Variants in GABRB3 observed in about 807,000 individuals in gnomAD.
GABRB3 encodes the protein gamma-aminobutyric acid type A receptor subunit beta3.
A neutral mutation model predicts 52.1 loss-of-function variants in GABRB3; 14 were observed. That is an observed-to-expected ratio of 0.27 (90% CI 0.18 to 0.42). The LOEUF (loss-of-function observed/expected upper bound fraction) is 0.42, where lower values mean the gene tolerates loss of function less well. Among genes scored for constraint, GABRB3 ranks in the 10% least tolerant of loss-of-function variants. The pLI, the probability that GABRB3 is intolerant of heterozygous loss-of-function variation, is 1.00. For synonymous variants in GABRB3, 260 were observed against 232.3 expected, an observed-to-expected ratio of 1.12 and a Z score of -1.08; for missense variants, 307 against 609.1, an observed-to-expected ratio of 0.50 and a Z score of 5.22.
chr15:26,691,566 G>C (rs1257548847), intron 3 of GABRB3, among the ~76,000 whole-genome samples: 1 of 152,278 alleles, frequency 6.6e-6, no homozygotes, highest in South Asian at 2.1e-4. Flanking sequence ...GAATTTGCAA[G>C]CAGGTTCTTC....
At chr15:26,631,360 C>T (rs1287902229) in intron 3 of GABRB3, among the ~76,000 whole-genome samples, 1 of 152,212 alleles carries the variant, frequency 6.6e-6, no homozygotes, top group East Asian at 1.9e-4. Flanking sequence ...CAAGAATACA[C>T]ATTTGAAAGC....
chr15:26,609,066 A>G (rs918970622), intron 4 of GABRB3, among the ~76,000 whole-genome samples: 1 of 150,730 alleles, frequency 6.6e-6, no homozygotes, highest in Non-Finnish European at 1.5e-5. Context: ...CAACAGATAA[A>G]TTGATTTTTT....
Position 26,621,571 on chromosome 15 carries a change from C to A in GABRB3, c.241-37G>T. The A allele has an allele frequency of 6.5e-7, 1 of 1,539,940 alleles. No individual in the cohort carries two copies. Among genetic ancestry groups the A allele is most frequent in the Non-Finnish European group, 9.0e-7 (1 of 1,116,674 alleles). On this transcript the variant is annotated intron_variant, in intron 3 of 8. Transcript: ENST00000311550. The surrounding 1 kb of genome is among the most constrained non-coding windows in gnomAD (Gnocchi z 4.1). ...AGAAAAGAAAGAAAGTTAGTTTGTA[C>A]CCAGCCACAGGTGTATTTCCTCCAC...
rs956447926 is a variant in GABRB3 at position 26,635,356 on chromosome 15, C to G, written c.241-13822G>C. Among the ~76,000 whole-genome samples, 3 of 152,188 alleles carry G rather than the reference C, an allele frequency of 2.0e-5. No individual in the cohort carries two copies. The South Asian group carries it at 6.2e-4, about 32-fold the overall frequency. On this transcript the variant is annotated intron_variant, in intron 3 of 8. Coordinates refer to ENST00000311550, the MANE Select transcript of GABRB3 (RefSeq NM_000814.6). ...CCTCTGTGCTCTTCCCCTGCTTAAACATAGCTCCTGCAGATGACCATAAGG... is the reference window on the plus strand; with the variant it reads ...CCTCTGTGCTCTTCCCCTGCTTAAAGATAGCTCCTGCAGATGACCATAAGG...
intron 3 of GABRB3, among the ~76,000 whole-genome samples, chr15:26,739,783 T>C (rs747518736): frequency 6.6e-6 from 1 of 152,210 alleles, no homozygotes; most frequent in East Asian, 1.9e-4. Flanking sequence ...AATTGGAATA[T>C]CCATCACTTT....
intron 3 of GABRB3, among the ~76,000 whole-genome samples, chr15:26,762,193 C>G (rs957710488): frequency 6.6e-6 from 1 of 152,082 alleles, no homozygotes; most frequent in African/African-American, 2.4e-5. Flanking sequence ...ACATACAAAC[C>G]TCCCCTCAAT....
At chr15:26,619,787 CT>C (rs1054605889) in intron 4 of GABRB3, among the ~76,000 whole-genome samples, 19 of 143,904 alleles carry the variant, frequency 1.3e-4, no homozygotes, top group African/African-American at 5.1e-4. Flanking sequence ...TTGATATTTG[CT>C]TTTTTGCTCT....
At chr15:26,634,136 C>A (rs1028339926) in intron 3 of GABRB3, among the ~76,000 whole-genome samples, 2 of 152,066 alleles carry the variant, frequency 1.3e-5, no homozygotes, top group African/African-American at 4.8e-5. Context: ...GAGAGGGGCA[C>A]CCCCCTTTCC....
chr15:26,591,249 C>A (rs954741302), intron 4 of GABRB3, among the ~76,000 whole-genome samples: 4 of 152,146 alleles, frequency 2.6e-5, no homozygotes, highest in African/African-American at 9.7e-5. Context: ...CAATAGATAA[C>A]CGATACGATA....
At chr15:26,577,617 T>C (rs907366996) in intron 6 of GABRB3, among the ~76,000 whole-genome samples, 11 of 151,832 alleles carry the variant, frequency 7.2e-5, no homozygotes, top group African/African-American at 2.7e-4. Context: ...AACAGAAAAA[T>C]CACAAAGTCA....
intron 6 of GABRB3, among the ~76,000 whole-genome samples, chr15:26,570,471 T>A (rs1321824179): frequency 6.6e-6 from 1 of 152,224 alleles, no homozygotes. Context: ...ATGGAAATGA[T>A]GCTCACTGTC....
intron 7 of GABRB3, among the ~76,000 whole-genome samples, chr15:26,562,189 CG>C (rs1353519230): frequency 6.6e-6 from 1 of 152,168 alleles, no homozygotes; most frequent in Non-Finnish European, 1.5e-5. Context: ...AGGAAAGGCA[CG>C]GATCACTCCC....
chr15:26,753,746 T>C (rs1890580088), intron 3 of GABRB3, among the ~76,000 whole-genome samples: 1 of 152,184 alleles, frequency 6.6e-6, no homozygotes, highest in South Asian at 2.1e-4. Context: ...AGACAGTGAA[T>C]GTGGGTACAG....
At position 26,772,666 on chromosome 15, in the gene GABRB3, G is replaced by C; in HGVS notation, c.172+15C>G. 6.4e-7 allele frequency: 1 copy of C among 1,558,446 alleles called. No homozygotes were observed. The highest frequency in any genetic ancestry group is 8.7e-7 in the Non-Finnish European group (1 of 1,152,618). ...GGGTCGCGCTTCCCGCAACGGCCGC[G>C]CGCAGCCCACTTACCCCCGAAGTCG... On this transcript the variant is annotated intron_variant, in intron 2 of 8. Coordinates refer to ENST00000311550, the MANE Select transcript of GABRB3 (RefSeq NM_000814.6).
intron 3 of GABRB3, among the ~76,000 whole-genome samples, chr15:26,635,576 T>G (rs1893036716): frequency 6.6e-6 from 1 of 152,192 alleles, no homozygotes; most frequent in South Asian, 2.1e-4. Flanking sequence ...GAATAATTTC[T>G]GATATTTGGC....
At chr15:26,642,763 CATTT>C (rs1296681225) in intron 3 of GABRB3, among the ~76,000 whole-genome samples, 2 of 152,068 alleles carry the variant, frequency 1.3e-5, no homozygotes, top group Non-Finnish European at 1.5e-5. Context: ...AACAGATGAA[CATTT>C]ATTAAATGAA....
At chr15:26,740,951 G>A (rs1441755641) in intron 3 of GABRB3, among the ~76,000 whole-genome samples, 6 of 152,112 alleles carry the variant, frequency 3.9e-5, no homozygotes, top group East Asian at 1.9e-4. Context: ...GCACGGAGCC[G>A]ACTCTGAGTC....
chr15:26,592,753 G>A (rs1019706382), intron 4 of GABRB3, among the ~76,000 whole-genome samples: 1 of 152,000 alleles, frequency 6.6e-6, no homozygotes, highest in Non-Finnish European at 1.5e-5. Context: ...ATTAAAATTC[G>A]GATTCTGTCC....
At chr15:26,696,074 T>C (rs193182262) in intron 3 of GABRB3, among the ~76,000 whole-genome samples, 2 of 152,308 alleles carry the variant, frequency 1.3e-5, no homozygotes, top group Admixed American at 6.5e-5. Context: ...CTGAAATTAT[T>C]TCTCTCTAAG....
Sources: allele counts gnomAD v4.1 joint callset (sites outside exome capture counted in the v4.1 genomes callset), GRCh38; gene constraint gnomAD v4.1.1; non-coding constraint Gnocchi (gnomAD v3.1); transcripts MANE v1.5; gene names NCBI Gene and HGNC (gene_info 2026-07-23, HGNC 2026-07-21).